The following CCDC127 variants were observed in gnomAD, a reference collection of about 807,000 sequenced individuals.
The protein encoded by CCDC127 is coiled-coil domain containing 127.
Under a neutral mutation model 4.1 loss-of-function variants are expected in CCDC127, and 2 were observed. The ratio of observed to expected loss-of-function variants is 0.49; its 90% CI spans 0.20 to 1.53. CCDC127 has a LOEUF of 1.53. CCDC127 is among the 40% of genes most tolerant of loss of function. The pLI, the probability that CCDC127 is intolerant of heterozygous loss-of-function variation, is 0.23. For missense variants in CCDC127, 271 were observed against 322.9 expected (o/e 0.84, Z 1.23); for synonymous variants, 98 against 120.4 (o/e 0.81, Z 1.22).
At position 207,687 on chromosome 5, in the gene CCDC127, C is replaced by T. The variant is rs117845782; in HGVS notation, c.122-1729G>A. 4.0e-4 allele frequency among the ~76,000 whole-genome samples: 61 copies of T among 152,112 alleles called. 2 individuals carry two copies. In the East Asian group the frequency reaches 0.012, roughly 29 times the overall value. ...GTCACAGGTGCCAAATGAGAGGGGC[C>T]CCCAGGAGACCCGGACAAGGAGCAC... On this transcript the variant is annotated intron_variant, in intron 2 of 2. Coordinates refer to ENST00000296824, the MANE Select transcript of CCDC127 (RefSeq NM_145265.3).
chr5:214,345 G>A (rs942444194), intron 2 of CCDC127: 3 of 152,164 alleles, frequency 2.0e-5, no homozygotes, highest in African/African-American at 7.2e-5. Context: ...CATTACTGAT[G>A]ACAACTGCAT....
rs1294462608 is a variant in CCDC127 at position 196,926 on chromosome 5, TGGCACC to T, written c.*8365_*8370del. On this transcript the variant is annotated 3_prime_UTR_variant, in exon 3 of 3. Transcript: ENST00000296824. ...CGCTCAGCATACCAAGGACCTGCAC[TGGCACC>T]GGCCTCTGAGTTCCCTCAGTTTTTA... The T allele has an allele frequency of 7.3e-5, 10 of 137,010 alleles. No individual in the cohort carries two copies. The highest frequency in any genetic ancestry group is 2.6e-4 in the African/African-American group (10 of 37,890). 8.5% of individuals were successfully genotyped at this position (137,010 alleles called of 1,614,324 possible).
At chr5:206,027 A>C in intron 2 of CCDC127, 69 bp from the exon 3 acceptor site, 2 of 1,360,080 alleles carry the variant, frequency 1.5e-6, no homozygotes, top group Non-Finnish European at 2.0e-6. Flanking sequence ...CCTCACTTAA[A>C]TCATAAGGCA....
intron 2 of CCDC127, among the ~76,000 whole-genome samples, chr5:212,391 C>T (rs373108485): frequency 4.9e-4 from 14 of 28,436 alleles, no homozygotes; most frequent in East Asian, 2.0e-3. Context: ...GCAGCCATGA[C>T]GAGACAGCAC....
intron 2 of CCDC127, among the ~76,000 whole-genome samples, chr5:207,881 T>G (rs1024732105): frequency 2.6e-5 from 4 of 152,114 alleles, no homozygotes; most frequent in Non-Finnish European, 5.9e-5. Flanking sequence ...AGTCACATCA[T>G]TGACACACCA....
Position 203,914 on chromosome 5 carries a change from GAC to G in CCDC127, c.*1381_*1382del. ...CTGTGTGCAAGGCTGGCCCTTGACT[GAC>G]ATCTGGGAACTCGGATTCTGGGAGA... On this transcript the variant is annotated 3_prime_UTR_variant, in exon 3 of 3. Coordinates refer to ENST00000296824, the MANE Select transcript of CCDC127 (RefSeq NM_145265.3). 6.6e-6 allele frequency: 1 copy of G among 152,394 alleles called. No individual in the cohort carries two copies. The highest frequency in any genetic ancestry group is 1.5e-5 in the Non-Finnish European group (1 of 68,076). 9.4% of individuals were successfully genotyped at this position (152,394 alleles called of 1,614,324 possible).
At chr5:217,837 T>C (rs1734452588) in intron 1 of CCDC127, among the ~76,000 whole-genome samples, 1 of 152,258 alleles carries the variant, frequency 6.6e-6, no homozygotes, top group Non-Finnish European at 1.5e-5. Context: ...AGAGTCACTT[T>C]AAGTTTGTTT....
chr5:200,737 C>A lies in CCDC127; in HGVS notation c.*4560G>T, dbSNP rs35493846. On this transcript the variant is annotated 3_prime_UTR_variant, in exon 3 of 3. Coordinates refer to ENST00000296824, the MANE Select transcript of CCDC127 (RefSeq NM_145265.3). ...TAATAGAGAAATACAGCAACTGTTT[C>A]GTCAAACCCAGCATAGAAAGAGGAG... 4 of 152,266 alleles carry A rather than the reference C, an allele frequency of 2.6e-5. No individual in the cohort carries two copies. The highest frequency in any genetic ancestry group is 4.8e-5 in the African/African-American group (2 of 41,508). 9.4% of individuals were successfully genotyped at this position (152,266 alleles called of 1,614,324 possible).
chr5:216,385 C>T (rs1190912390), intron 2 of CCDC127: 1 of 246,660 alleles, frequency 4.1e-6, no homozygotes, highest in African/African-American at 2.3e-5. Context: ...CTTATGAGGG[C>T]ACCTGAAATA....
At chr5:215,473 G>T (rs1374638517) in intron 2 of CCDC127, 2 of 152,110 alleles carry the variant, frequency 1.3e-5, no homozygotes, top group Non-Finnish European at 2.9e-5. Flanking sequence ...TATTACATTA[G>T]TCAGAGTAAT....
In CCDC127 at chr5:197,030, A is replaced by C. The variant is rs1189339149; in HGVS notation, c.*8267T>G. 1.3e-5 allele frequency: 2 copies of C among 149,566 alleles called. No homozygotes were observed. Among genetic ancestry groups the C allele is most frequent in the African/African-American group, 5.1e-5 (2 of 39,216 alleles). The allele number at this position is 149,566 out of a possible 1,614,324, so 9.3% of individuals were successfully genotyped here. Reference sequence around the variant, plus strand: ...GGTGATAATAAGGAGGAGGTCAGCAAAAACGTGTGAGCAAAAGAATCTATG... The same window carrying C: ...GGTGATAATAAGGAGGAGGTCAGCACAAACGTGTGAGCAAAAGAATCTATG... On this transcript the variant is annotated 3_prime_UTR_variant, in exon 3 of 3. Transcript: ENST00000296824.
chr5:211,292 G>A (rs1168219589), intron 2 of CCDC127, among the ~76,000 whole-genome samples: 6 of 104,466 alleles, frequency 5.7e-5, no homozygotes, highest in Admixed American at 1.8e-4. Context: ...GCACACTGAT[G>A]CTCGACATCG....
At chr5:206,583 G>A (rs1025809531) in intron 2 of CCDC127, among the ~76,000 whole-genome samples, 2 of 152,144 alleles carry the variant, frequency 1.3e-5, no homozygotes, top group Non-Finnish European at 2.9e-5. Flanking sequence ...TCTAAGACCG[G>A]ATGACTCACA....
In CCDC127 at chr5:196,956, T is replaced by G. The variant is rs201815499; in HGVS notation, c.*8341A>C. ...CCGGCCTCTGAGTTCCCTCAGTTTT[T>G]ATTATTATTTTCATTATTTCAGCAA... is the stretch of plus-strand genomic sequence containing the variant. On this transcript the variant is annotated 3_prime_UTR_variant, in exon 3 of 3. Coordinates refer to ENST00000296824, the MANE Select transcript of CCDC127 (RefSeq NM_145265.3). The G allele has an allele frequency of 6.8e-6, 1 of 147,132 alleles. No individual in the cohort carries two copies. Among genetic ancestry groups the G allele is most frequent in the Admixed American group, 6.8e-5 (1 of 14,784 alleles). The allele number at this position is 147,132 out of a possible 1,614,324, so 9.1% of individuals were successfully genotyped here.
In CCDC127 at chr5:205,079, C is replaced by A. The variant is rs900653062; in HGVS notation, c.*218G>T. 2.3e-5 allele frequency: 12 copies of A among 522,724 alleles called. No individual in the cohort carries two copies. Among genetic ancestry groups the A allele is most frequent in the Admixed American group, 1.1e-4 (3 of 28,234 alleles). 32.4% of individuals were successfully genotyped at this position (522,724 alleles called of 1,614,324 possible). A position where few individuals can be genotyped will look rare whatever the true frequency, so the allele number is the denominator to read the frequency against. ...GGCAGCCTAAAAATGCTTCAAGAAA[C>A]CATATCCCCAACAGCGGCAGAGCAT... On this transcript the variant is annotated 3_prime_UTR_variant, in exon 3 of 3. Transcript: ENST00000296824.
Position 197,031 on chromosome 5 carries a change from A to T in CCDC127, c.*8266T>A, listed in dbSNP as rs561038473. 1 of 146,052 alleles carries T rather than the reference A, an allele frequency of 6.8e-6. No homozygotes were observed. Among genetic ancestry groups the T allele is most frequent in the Non-Finnish European group, 1.5e-5 (1 of 67,386 alleles). 9.0% of individuals were successfully genotyped at this position (146,052 alleles called of 1,614,324 possible). A position where few individuals can be genotyped will look rare whatever the true frequency, so the allele number is the denominator to read the frequency against. On this transcript the variant is annotated 3_prime_UTR_variant, in exon 3 of 3. Transcript: ENST00000296824. Reference sequence around the variant, plus strand: ...GTGATAATAAGGAGGAGGTCAGCAAAAACGTGTGAGCAAAAGAATCTATGT... The same window carrying T: ...GTGATAATAAGGAGGAGGTCAGCAATAACGTGTGAGCAAAAGAATCTATGT...
At position 197,362 on chromosome 5, in the gene CCDC127, G is replaced by A. The variant is rs1287304533; in HGVS notation, c.*7935C>T. 1 of 152,226 alleles carries A rather than the reference G, an allele frequency of 6.6e-6. No individual in the cohort carries two copies. Among genetic ancestry groups the A allele is most frequent in the Non-Finnish European group, 1.5e-5 (1 of 68,070 alleles). 9.4% of individuals were successfully genotyped at this position (152,226 alleles called of 1,614,324 possible). ...CAGCACAGACCCTTTACGGGTGTCG[G>A]GCTGGGGGACGGTCAGGTCTTTCTC... On this transcript the variant is annotated 3_prime_UTR_variant, in exon 3 of 3. Coordinates refer to ENST00000296824, the MANE Select transcript of CCDC127 (RefSeq NM_145265.3).
At chr5:214,166 G>A (rs1734332080) in intron 2 of CCDC127, 1 of 152,224 alleles carries the variant, frequency 6.6e-6, no homozygotes, top group Non-Finnish European at 1.5e-5. Flanking sequence ...CAGATCAGTA[G>A]CTGCCGGGGG....
In CCDC127 at chr5:205,237, C is replaced by A. The variant is rs779882654; in HGVS notation, c.*60G>T. The A allele has an allele frequency of 6.2e-5, 92 of 1,495,152 alleles. No individual in the cohort carries two copies. The highest frequency in any genetic ancestry group is 1.8e-4 in the Middle Eastern group (1 of 5,618). 92.6% of individuals were successfully genotyped at this position (1,495,152 alleles called of 1,614,324 possible). A position where few individuals can be genotyped will look rare whatever the true frequency, so the allele number is the denominator to read the frequency against. On this transcript the variant is annotated 3_prime_UTR_variant, in exon 3 of 3. Coordinates refer to ENST00000296824, the MANE Select transcript of CCDC127 (RefSeq NM_145265.3). ...ACGGGAACGGAAGACGCCGGAGACC[C>A]AGAAGGCGCATGACTGCCTGGCCTC...
Sources: gnomAD v4.1 joint callset for allele counts (sites outside exome capture counted in the v4.1 genomes callset) on GRCh38, gnomAD v4.1.1 for gene constraint, MANE v1.5 for transcripts, NCBI Gene and HGNC (gene_info 2026-07-23, HGNC 2026-07-21) for gene names.